DPCD: variants seen among roughly 807,000 people sequenced by gnomAD.
The protein encoded by DPCD is deleted in primary ciliary dyskinesia homolog (mouse).
In DPCD, 20 loss-of-function variants were observed where a neutral mutation model predicts 26.4. That is an observed-to-expected ratio of 0.76 (90% CI 0.53 to 1.10). The LOEUF (loss-of-function observed/expected upper bound fraction) is 1.10. Among genes scored for constraint, DPCD ranks in the 50% least tolerant of loss-of-function variants. The pLI is 0.00. For synonymous variants in DPCD, 97 were observed against 94.2 expected (o/e 1.03, Z -0.17); for missense variants, 202 against 253.9 (o/e 0.80, Z 1.39).
chr10:101,608,973 G>A, intron 5 of DPCD, 36 bp downstream of exon 5: 1 of 1,526,550 alleles, frequency 6.6e-7, no homozygotes, highest in Non-Finnish European at 9.1e-7. Context: ...CACTGCATCA[G>A]GGAGAGTCTT....
intron 2 of DPCD, among the ~76,000 whole-genome samples, chr10:101,598,555 T>C (rs930388999): frequency 2.0e-5 from 3 of 149,280 alleles, no homozygotes; most frequent in Non-Finnish European, 4.4e-5. Flanking sequence ...AAGAGAGCAG[T>C]CAGGGAAAAA....
chr10:101,605,036 T>C, intron 4 of DPCD: 2 of 1,493,694 alleles, frequency 1.3e-6, no homozygotes, highest in Non-Finnish European at 1.8e-6. Context: ...CTTTAGTATG[T>C]GTGTGTGATT....
Position 101,600,626 on chromosome 10 carries a change from T to C in DPCD, c.146-112T>C, listed in dbSNP as rs529988649. The C allele has an allele frequency of 2.1e-6, 3 of 1,459,640 alleles. No homozygotes were observed. The Admixed American group carries it at 7.0e-5, about 34-fold the overall frequency. 90.4% of individuals were successfully genotyped at this position (1,459,640 alleles called of 1,614,324 possible). A position where few individuals can be genotyped will look rare whatever the true frequency, so the allele number is the denominator to read the frequency against. On this transcript the variant is annotated intron_variant, in intron 2 of 5. Coordinates refer to ENST00000370151, the MANE Select transcript of DPCD (RefSeq NM_015448.3). This position sits in a 1 kb window ranked among gnomAD's most constrained non-coding sequence, Gnocchi z 4.7. ...AGGCCCAACACTCCCACTTTCATCT[T>C]GTGCTAGTTACCTAGTGTGGTGCCG...
intron 4 of DPCD, 188 bp downstream of exon 4, chr10:101,601,524 G>C (rs1357181027): frequency 6.2e-6 from 1 of 161,134 alleles, no homozygotes; most frequent in East Asian, 1.8e-4. Context: ...TCGGGGAAGA[G>C]AAACTTGAAT....
chr10:101,598,094 C>T (rs770714828), intron 2 of DPCD, among the ~76,000 whole-genome samples: 6 of 152,168 alleles, frequency 3.9e-5, no homozygotes, highest in Non-Finnish European at 8.8e-5. Context: ...TTGAGTACTT[C>T]TTGGGAAGTT....
intron 1 of DPCD, among the ~76,000 whole-genome samples, chr10:101,591,031 C>T (rs2063603419): frequency 1.3e-5 from 2 of 152,122 alleles, no homozygotes; most frequent in South Asian, 2.1e-4. Context: ...GCTGTAATAT[C>T]GTTCATAAAG....
chr10:101,600,896 T>C lies in DPCD; in HGVS notation c.270+34T>C, dbSNP rs1302359508. 1 of 1,613,338 alleles carries C rather than the reference T, an allele frequency of 6.2e-7. No individual in the cohort carries two copies. Among genetic ancestry groups the C allele is most frequent in the East Asian group, 2.2e-5 (1 of 44,852 alleles). On this transcript the variant is annotated intron_variant, in intron 3 of 5. Transcript: ENST00000370151. The surrounding 1 kb of genome is among the most constrained non-coding windows in gnomAD (Gnocchi z 4.7). ...ATCTGTCCAGGTGTCTTGCACGGAC[T>C]GAGGTGGGGGTGGGCTGTGGGCTGC...
rs568633512 is a variant in DPCD, at chr10:101,600,159, G to A, written c.146-579G>A. On this transcript the variant is annotated intron_variant, in intron 2 of 5. Coordinates refer to ENST00000370151, the MANE Select transcript of DPCD (RefSeq NM_015448.3). The surrounding 1 kb of genome is among the most constrained non-coding windows in gnomAD (Gnocchi z 4.7). The stretch of plus-strand genomic sequence containing the variant: ...CATTTAAAATATGGCATGTGCCTAC[G>A]ATTTTGTTTAAATGCAGCTTTGGAG... Among the ~76,000 whole-genome samples, 11 of 152,234 alleles carry A rather than the reference G, an allele frequency of 7.2e-5. 1 individual carries two copies. Among genetic ancestry groups the A allele is most frequent in the African/African-American group, 2.6e-4 (11 of 41,534 alleles).
intron 1 of DPCD, among the ~76,000 whole-genome samples, chr10:101,589,863 G>A (rs1418550602): frequency 6.6e-6 from 1 of 152,136 alleles, no homozygotes; most frequent in Admixed American, 6.6e-5. Flanking sequence ...CAGCCTGGGT[G>A]ACAGAGTGAG....
chr10:101,588,440 C>A, intron 1 of DPCD, 40 bp downstream of exon 1: 1 of 1,559,646 alleles, frequency 6.4e-7, no homozygotes, highest in East Asian at 2.4e-5. Flanking sequence ...GTTTTTTTCC[C>A]TCAGGGTCCG....
rs2063713373 is a variant in DPCD, at chr10:101,603,501, T to C, written c.404+2165T>C. Among the ~76,000 whole-genome samples, 2 of 151,968 alleles carry C rather than the reference T, an allele frequency of 1.3e-5. No homozygotes were observed. The highest frequency in any genetic ancestry group is 4.2e-4 in the South Asian group (2 of 4,816). ...GGCTGGGCGCGGTGGCTCACGCCTG[T>C]AATCCCAGCACTCTGGGAAGCCAAG... On this transcript the variant is annotated intron_variant, in intron 4 of 5. Transcript: ENST00000370151. The surrounding 1 kb of genome is among the most constrained non-coding windows in gnomAD (Gnocchi z 4.6).
chr10:101,606,717 C>T (rs2063735495), intron 4 of DPCD, among the ~76,000 whole-genome samples: 1 of 152,184 alleles, frequency 6.6e-6, no homozygotes, highest in African/African-American at 2.4e-5. Context: ...TGAGGCTGAA[C>T]GTTATGACCC....
intron 4 of DPCD, among the ~76,000 whole-genome samples, chr10:101,605,497 G>A (rs115080585): frequency 0.017 from 2,587 of 152,242 alleles, 70 homozygotes; most frequent in African/African-American, 0.059. Flanking sequence ...TCTTTTATTC[G>A]AAGAAGGAAT....
chr10:101,606,931 T>G (rs756627125), intron 4 of DPCD, among the ~76,000 whole-genome samples: 3 of 152,290 alleles, frequency 2.0e-5, no homozygotes, highest in Middle Eastern at 3.4e-3. Context: ...ACCAATAAAC[T>G]AAATCTATTA....
chr10:101,598,313 C>T (rs532424267), intron 2 of DPCD, among the ~76,000 whole-genome samples: 3 of 152,122 alleles, frequency 2.0e-5, no homozygotes, highest in Non-Finnish European at 2.9e-5. Context: ...AAAGCTTACC[C>T]TTTAAAGGCC....
At position 101,608,944 on chromosome 10, in the gene DPCD, T is replaced by G. The variant is rs1390864759; in HGVS notation, c.507+7T>G. 1.9e-6 allele frequency: 3 copies of G among 1,607,454 alleles called. No homozygotes were observed. The highest frequency in any genetic ancestry group is 1.7e-6 in the Non-Finnish European group (2 of 1,174,570). ...CTGCACCCTGATCATCTCTGTAAGA[T>G]TCACCCAGACTTCTTGGACACTGCA... On this transcript the variant is annotated splice_region_variant and intron_variant, in intron 5 of 5. Coordinates refer to ENST00000370151, the MANE Select transcript of DPCD (RefSeq NM_015448.3).
chr10:101,598,350 T>TA (rs963579755), intron 2 of DPCD, among the ~76,000 whole-genome samples: 55 of 151,058 alleles, frequency 3.6e-4, no homozygotes, highest in Admixed American at 1.1e-3. Context: ...TTGAGCTACT[T>TA]AAAAAAAAAC....
intron 4 of DPCD, among the ~76,000 whole-genome samples, chr10:101,605,929 G>A (rs2063730337): frequency 6.6e-6 from 1 of 152,208 alleles, no homozygotes; most frequent in Admixed American, 6.5e-5. Context: ...TTGTTTAAAA[G>A]TGGATAATAG....
At chr10:101,588,641 T>C in intron 1 of DPCD, 1 of 1,344,998 alleles carries the variant, frequency 7.4e-7, no homozygotes, top group Non-Finnish European at 9.5e-7. Context: ...CTGTTGCTAA[T>C]ATAGTAATTT....
Sources: gnomAD v4.1 joint callset for allele counts (sites outside exome capture counted in the v4.1 genomes callset) on GRCh38, gnomAD v4.1.1 for gene constraint, Gnocchi (gnomAD v3.1) non-coding constraint, MANE v1.5 for transcripts, NCBI Gene and HGNC (gene_info 2026-07-23, HGNC 2026-07-21) for gene names.